Variants in RUFY2 observed in about 807,000 individuals in gnomAD.
RUFY2 encodes RUN and FYVE domain-containing protein 2.
A neutral mutation model predicts 94.4 loss-of-function variants in RUFY2; 49 were observed. That is an observed-to-expected ratio of 0.52 (90% confidence interval 0.41 to 0.66). The LOEUF is 0.66. Ranked by LOEUF, RUFY2 falls within the 30% of genes least tolerant of loss-of-function variation. The pLI is 0.00. For synonymous variants in RUFY2, 255 were observed against 235.7 expected, an observed-to-expected ratio of 1.08 and a Z score of -0.75; for missense variants, 541 against 692.8, an observed-to-expected ratio of 0.78 and a Z score of 2.46.
chr10:68,394,765 G>T (rs1228173752), intron 4 of RUFY2, among the ~76,000 whole-genome samples: 1 of 151,602 alleles, frequency 6.6e-6, no homozygotes, highest in East Asian at 1.9e-4. Context: ...GAGTAGCTGG[G>T]ACTACAGGTG....
intron 16 of RUFY2, chr10:68,346,480 G>GGGT: frequency 6.0e-6 from 1 of 166,840 alleles, no homozygotes; most frequent in East Asian, 1.8e-4. Flanking sequence ...ATATTGAAAT[G>GGGT]GGTAATGGTT....
At chr10:68,402,223 T>G (rs1306242875) in intron 2 of RUFY2, among the ~76,000 whole-genome samples, 1 of 152,108 alleles carries the variant, frequency 6.6e-6, no homozygotes, top group Admixed American at 6.6e-5. Flanking sequence ...CCTCCCAAAG[T>G]GCTGGCTGGG....
chr10:68,380,432 GA>G (rs1295093718), intron 11 of RUFY2, among the ~76,000 whole-genome samples: 6 of 149,500 alleles, frequency 4.0e-5, no homozygotes, highest in Admixed American at 1.3e-4. Flanking sequence ...TGTAATAAAG[GA>G]AAAAAAAACT....
At chr10:68,372,084 C>T (rs1184364385) in intron 13 of RUFY2, among the ~76,000 whole-genome samples, 2 of 152,114 alleles carry the variant, frequency 1.3e-5, no homozygotes, top group African/African-American at 2.4e-5. Flanking sequence ...TCAAGAGTAG[C>T]CTGAGCAACA....
At chr10:68,396,089 A>G (rs1242668924) in intron 4 of RUFY2, among the ~76,000 whole-genome samples, 1 of 152,138 alleles carries the variant, frequency 6.6e-6, no homozygotes, top group African/African-American at 2.4e-5. Flanking sequence ...ACCTCCCTCT[A>G]CCGGGTTCAT....
chr10:68,376,436 ATGTGTG>A (rs199958667), intron 13 of RUFY2, among the ~76,000 whole-genome samples: 1 of 58,304 alleles, frequency 1.7e-5, no homozygotes, highest in Non-Finnish European at 3.0e-5. Context: ...TCTCAAAAAA[ATGTGTG>A]TATATATATA....
Position 68,396,659 on chromosome 10 carries a change from C to T in RUFY2, c.398+121G>A, listed in dbSNP as rs563683899. On this transcript the variant is annotated intron_variant, in intron 4 of 17. Coordinates refer to ENST00000602465, the MANE Select transcript of RUFY2 (RefSeq NM_001330103.2). ...TTTTCTGTCTCATTTTGCTCCTCCT[C>T]TTATTTTATATCATTTTATTATATG... The T allele has an allele frequency of 1.5e-3, 901 of 593,494 alleles. 6 individuals are homozygous for T. Among genetic ancestry groups the T allele is most frequent in the South Asian group, 7.2e-3 (252 of 35,242 alleles). 36.8% of individuals were successfully genotyped at this position (593,494 alleles called of 1,614,324 possible).
intron 9 of RUFY2, 25 bp downstream of exon 9, chr10:68,384,022 TTGTC>T: frequency 1.9e-6 from 3 of 1,594,784 alleles, no homozygotes; most frequent in Non-Finnish European, 2.6e-6. Flanking sequence ...TGACACGAGA[TTGTC>T]TGCTTGAAAG....
At chr10:68,372,149 C>A (rs1385511240) in intron 13 of RUFY2, among the ~76,000 whole-genome samples, 1 of 152,170 alleles carries the variant, frequency 6.6e-6, no homozygotes, top group Non-Finnish European at 1.5e-5. Flanking sequence ...TGGCTCACGC[C>A]TGTAATCCTA....
rs1204799031 is a variant in RUFY2, at chr10:68,363,496, T to C, written c.1550+94A>G. 16 of 777,194 alleles carry C rather than the reference T, an allele frequency of 2.1e-5. 1 individual carries two copies. Among genetic ancestry groups the C allele is most frequent in the Admixed American group, 1.6e-4 (5 of 31,596 alleles). 48.1% of individuals were successfully genotyped at this position (777,194 alleles called of 1,614,324 possible). ...CGCCCGGCCTAGTTCGTATCTTTCC[T>C]ATATTTAAACTCTTCTGCCTAATAG... On this transcript the variant is annotated intron_variant, in intron 15 of 17. Transcript: ENST00000602465.
At chr10:68,377,668 T>C in intron 12 of RUFY2, 1 of 985,446 alleles carries the variant, frequency 1.0e-6, no homozygotes, top group Non-Finnish European at 1.2e-6. Flanking sequence ...CCTGTTTTTA[T>C]TTGTAAGTCG....
intron 12 of RUFY2, chr10:68,379,097 G>A (rs2048853490): frequency 3.6e-6 from 1 of 278,308 alleles, no homozygotes; most frequent in Admixed American, 5.0e-5. Context: ...AATCAATCAG[G>A]GATAATCTCA....
chr10:68,367,760 T>C (rs2047962476), intron 13 of RUFY2, among the ~76,000 whole-genome samples: 1 of 134,486 alleles, frequency 7.4e-6, no homozygotes. Context: ...CTCTCTTTCC[T>C]TCCTTTCTTT....
rs1021701636 is a variant in RUFY2, at chr10:68,359,392, GTATA to G, written c.1551-3995_1551-3992del. On this transcript the variant is annotated intron_variant, in intron 15 of 17. Transcript: ENST00000602465. ...TACGTATATATGTGTGTATATATAC[GTATA>G]TATACATATATAAATATGTGTGTAT... Among the ~76,000 whole-genome samples the G allele has an allele frequency of 5.5e-5, 8 of 144,198 alleles. No individual in the cohort carries two copies. In the Middle Eastern group the frequency reaches 0.015, roughly 265 times the overall value. 94.6% of individuals were successfully genotyped at this position (144,198 alleles called of 152,430 possible).
chr10:68,366,858 ATATAT>A (rs1162473440), intron 13 of RUFY2, among the ~76,000 whole-genome samples: 5 of 139,272 alleles, frequency 3.6e-5, no homozygotes, highest in Non-Finnish European at 6.1e-5. Context: ...AAATAAATAA[ATATAT>A]TAAATAAATA....
intron 15 of RUFY2, among the ~76,000 whole-genome samples, chr10:68,360,721 C>T (rs1487158677): frequency 2.0e-5 from 3 of 152,044 alleles, no homozygotes; most frequent in Non-Finnish European, 4.4e-5. Context: ...GCACTCCAGC[C>T]TGGGCGACAG....
chr10:68,388,663 C>T (rs1403547525), intron 7 of RUFY2, among the ~76,000 whole-genome samples: 1 of 151,662 alleles, frequency 6.6e-6, no homozygotes, highest in Non-Finnish European at 1.5e-5. Context: ...GGTGAAACCC[C>T]AGCTCTATGA....
rs1165274393 is a variant in RUFY2, at chr10:68,367,737, C to CCT, written c.1326-3626_1326-3625dup. 6.3e-4 allele frequency among the ~76,000 whole-genome samples: 88 copies of CCT among 140,144 alleles called. 1 individual carries two copies. The highest frequency in any genetic ancestry group is 3.6e-3 in the Middle Eastern group (1 of 276). 91.9% of individuals were successfully genotyped at this position (140,144 alleles called of 152,430 possible). Reference sequence around the variant, plus strand: ...ATCTCTCTCCCTCCCTCCCTCCCTCCCTCTCTCTCTCTCTCTCTTTCCTTC... The same window carrying CCT: ...ATCTCTCTCCCTCCCTCCCTCCCTCCCTCTCTCTCTCTCTCTCTCTTTCCTTC... On this transcript the variant is annotated intron_variant, in intron 13 of 17. Transcript: ENST00000602465.
At position 68,357,444 on chromosome 10, in the gene RUFY2, G is replaced by A. The variant is rs570043963; in HGVS notation, c.1551-2043C>T. 2.4e-4 allele frequency among the ~76,000 whole-genome samples: 37 copies of A among 152,034 alleles called. 1 individual carries two copies. Among genetic ancestry groups the A allele is most frequent in the African/African-American group, 8.2e-4 (34 of 41,476 alleles). Reference sequence around the variant, plus strand: ...GGGTTTTTCCATGTTGGCCAAGCTGGTCTCAAACTCCTGACCTCAGGTGAT... The same window carrying A: ...GGGTTTTTCCATGTTGGCCAAGCTGATCTCAAACTCCTGACCTCAGGTGAT... On this transcript the variant is annotated intron_variant, in intron 15 of 17. Transcript: ENST00000602465.
Sources: gnomAD v4.1 joint callset for allele counts (sites outside exome capture counted in the v4.1 genomes callset) on GRCh38, gnomAD v4.1.1 for gene constraint, MANE v1.5 for transcripts, NCBI Gene and HGNC (gene_info 2026-07-23, HGNC 2026-07-21) for gene names.